Variants in WNK2 observed in about 807,000 individuals in gnomAD.
WNK2 encodes the protein serine/threonine-protein kinase WNK2.
A neutral mutation model predicts 192.1 loss-of-function variants in WNK2; 67 were observed. The ratio of observed to expected loss-of-function variants is 0.35; its 90% CI spans 0.29 to 0.43. The LOEUF (loss-of-function observed/expected upper bound fraction) is 0.43, where lower values mean the gene tolerates loss of function less well. WNK2 is among the 20% of genes least tolerant of loss of function. WNK2 has a pLI of 1.00. For missense variants in WNK2, 2,698 were observed against 3,089.7 expected (o/e 0.87, Z 3.01); for synonymous variants, 1,439 against 1,393.9 (o/e 1.03, Z -0.72).
chr9:93,248,597 C>A (rs1842116476), intron 8 of WNK2, among the ~76,000 whole-genome samples: 1 of 152,122 alleles, frequency 6.6e-6, no homozygotes, highest in Admixed American at 6.5e-5. Context: ...GCCGTGGGGA[C>A]CTCCCATCCC....
chr9:93,288,982 G>A lies in WNK2; in HGVS notation c.4228G>A (p.Ala1410Thr). 6.2e-7 allele frequency: 1 copy of A among 1,602,908 alleles called. No homozygotes were observed. The highest frequency in any genetic ancestry group is 8.5e-7 in the Non-Finnish European group (1 of 1,174,840). Residue 1410 changes from alanine (A) to threonine (T), a missense_variant, in exon 20 of 30, where the codon GCG (alanine) becomes ACG (threonine). This residue lies in a region of WNK2 where 1,098 missense variants were observed against 1,101.0 expected (regional missense o/e 1.00). Transcript: ENST00000427277. ...APATSTMPEPASGTASQAGGP... is the reference protein window; with the variant it reads ...APATSTMPEPTSGTASQAGGP... ...AGCCACCAGCACCATGCCAGAGCCA[G>A]CGTCAGGAACTGCCAGCCAGGCAGG...
At position 93,239,956 on chromosome 9, in the gene WNK2, G is replaced by A. The variant is rs1840471281; in HGVS notation, c.1522G>A (p.Asp508Asn). The A allele has an allele frequency of 3.7e-6, 6 of 1,611,642 alleles. No homozygotes were observed. The East Asian group carries it at 1.3e-4, about 36-fold the overall frequency. Reference sequence around the variant, plus strand: ...CTTCGACCTGGAGAAGGAGACGCCGGATGAGGTGGCCCAAGAGATGGTAAG... The same window carrying A: ...CTTCGACCTGGAGAAGGAGACGCCGAATGAGGTGGCCCAAGAGATGGTAAG... ...FTFDLEKETP[D>N]EVAQEMIESG... is the part of the protein sequence containing the mutation. Residue 508 changes from aspartate to asparagine, a missense_variant, in exon 7 of 30, where the codon GAT becomes AAT. Physicochemically the swap from Asp to Asn is conservative, Grantham distance 23. Transcript: ENST00000427277. The surrounding 1 kb of genome is among the most constrained non-coding windows in gnomAD (Gnocchi z 4.2).
chr9:93,314,772 T>C (rs1470351547), intron 28 of WNK2, among the ~76,000 whole-genome samples: 1 of 152,156 alleles, frequency 6.6e-6, no homozygotes, highest in Non-Finnish European at 1.5e-5. Flanking sequence ...AAATCAGGAC[T>C]GTAGGGTAGA....
chr9:93,299,326 G>A lies in WNK2; in HGVS notation c.6115+65G>A, dbSNP rs879065036. On this transcript the variant is annotated intron_variant, in intron 25 of 29. Coordinates refer to ENST00000427277, the MANE Select transcript of WNK2 (RefSeq NM_006648.4). ...ACGTAGGGCCTCAGTGGTGTCCCCA[G>A]GAGCACGCCCGTGTTGTGTAGAGGG... 5.3e-6 allele frequency: 8 copies of A among 1,503,592 alleles called. No individual in the cohort carries two copies. In the South Asian group the frequency reaches 8.0e-5, roughly 15 times the overall value. 93.1% of individuals were successfully genotyped at this position (1,503,592 alleles called of 1,614,324 possible). A position where few individuals can be genotyped will look rare whatever the true frequency, so the allele number is the denominator to read the frequency against.
At chr9:93,265,530 G>C (rs1395448028) in intron 16 of WNK2, among the ~76,000 whole-genome samples, 1 of 152,228 alleles carries the variant, frequency 6.6e-6, no homozygotes, top group Non-Finnish European at 1.5e-5. Context: ...GCAGCAAGCA[G>C]CTGGTTCGTC....
chr9:93,234,675 A>G, intron 4 of WNK2, 133 bp from the exon 5 acceptor site: 1 of 1,054,776 alleles, frequency 9.5e-7, no homozygotes, highest in South Asian at 1.7e-5. Flanking sequence ...CCTGGGGTCC[A>G]GGTGTTCTGA....
At chr9:93,260,665 G>A (rs776266877) in intron 12 of WNK2, among the ~76,000 whole-genome samples, 1 of 152,212 alleles carries the variant, frequency 6.6e-6, no homozygotes, top group Non-Finnish European at 1.5e-5. Flanking sequence ...TATCTCCAGA[G>A]GGCTTTGTGC....
chr9:93,284,944 C>T (rs1003417752), intron 19 of WNK2, among the ~76,000 whole-genome samples: 11 of 152,196 alleles, frequency 7.2e-5, no homozygotes, highest in Admixed American at 2.0e-4. Flanking sequence ...CCAATATCAA[C>T]CACTCTGTAA....
chr9:93,231,736 C>T (rs1241238030), intron 4 of WNK2, among the ~76,000 whole-genome samples: 7 of 152,242 alleles, frequency 4.6e-5, no homozygotes, highest in Admixed American at 6.5e-5. Flanking sequence ...GGCCTCAGTA[C>T]AGACGCCCTC....
intron 2 of WNK2, among the ~76,000 whole-genome samples, chr9:93,186,253 A>G (rs571948719): frequency 2.6e-5 from 4 of 152,276 alleles, no homozygotes; most frequent in African/African-American, 7.2e-5. Flanking sequence ...CCATTTGTTC[A>G]CAAAATGGAC....
intron 7 of WNK2, among the ~76,000 whole-genome samples, chr9:93,245,623 C>G (rs1841553440): frequency 6.6e-6 from 1 of 152,254 alleles, no homozygotes; most frequent in Non-Finnish European, 1.5e-5. Context: ...CTGTACGTGT[C>G]TCATGGAGAA....
intron 28 of WNK2, among the ~76,000 whole-genome samples, chr9:93,315,070 G>C (rs1854373739): frequency 6.6e-6 from 1 of 152,196 alleles, no homozygotes; most frequent in Non-Finnish European, 1.5e-5. Context: ...ACCACTTCCA[G>C]CCCTCAGCAC....
intron 2 of WNK2, among the ~76,000 whole-genome samples, chr9:93,211,289 TACACTCAGTCACTC>T (rs1563998001): frequency 1.4e-5 from 2 of 140,536 alleles, no homozygotes; most frequent in African/African-American, 2.7e-5. Context: ...CACTCACTCA[TACACTCAGTCACTC>T]ATTCACTCAC....
At chr9:93,308,062 A>G in intron 27 of WNK2, 1 of 578,956 alleles carries the variant, frequency 1.7e-6, no homozygotes, top group Non-Finnish European at 3.0e-6. Flanking sequence ...TGCTGAGCAG[A>G]GGCTGCCGGC....
intron 5 of WNK2, among the ~76,000 whole-genome samples, chr9:93,237,855 C>A (rs1840083228): frequency 1.4e-5 from 2 of 146,134 alleles, no homozygotes; most frequent in African/African-American, 5.2e-5. Flanking sequence ...ATACTTGGGG[C>A]TCTTTTTTTT....
intron 2 of WNK2, among the ~76,000 whole-genome samples, chr9:93,218,796 C>T (rs1044702922): frequency 1.2e-4 from 19 of 152,182 alleles, no homozygotes; most frequent in African/African-American, 1.9e-4. Context: ...AGGGCTGCCC[C>T]GGCTTCCTGG....
chr9:93,234,923 G>T lies in WNK2; in HGVS notation c.1191G>T (p.Ser397=). ...TGGCCACCTCGGAGTACCCCTACTC[G>T]GAGTGCCAGAATGCGGCCCAGATCT... is the stretch of plus-strand genomic sequence containing the variant. ...LEMATSEYPY[S]ECQNAAQIYR... is the part of the protein sequence containing the mutation. Residue 397 remains serine (S), a synonymous_variant, in exon 5 of 30, where the codon TCG becomes TCT. Transcript: ENST00000427277. 1.2e-6 allele frequency: 2 copies of T among 1,614,120 alleles called. No homozygotes were observed. Among genetic ancestry groups the T allele is most frequent in the Non-Finnish European group, 1.7e-6 (2 of 1,179,986 alleles).
At chr9:93,240,451 C>A (rs1036128475) in intron 7 of WNK2, among the ~76,000 whole-genome samples, 6 of 152,214 alleles carry the variant, frequency 3.9e-5, no homozygotes, top group Admixed American at 3.9e-4. Flanking sequence ...GTTGGGGGTA[C>A]CTTTCCGCCT....
chr9:93,260,600 G>A (rs1158597357), intron 12 of WNK2, among the ~76,000 whole-genome samples: 1 of 152,308 alleles, frequency 6.6e-6, no homozygotes, highest in East Asian at 1.9e-4. Flanking sequence ...AATCCAGACT[G>A]GAGTAAGCTG....
Sources: gnomAD v4.1 joint callset for allele counts (sites outside exome capture counted in the v4.1 genomes callset) on GRCh38, gnomAD v4.1.1 for gene constraint, gnomAD v4.1.1 regional missense constraint, Gnocchi (gnomAD v3.1) non-coding constraint, MANE v1.5 for transcripts, NCBI Gene and HGNC (gene_info 2026-07-23, HGNC 2026-07-21) for gene names.